PCDHGA2: variants seen among roughly 807,000 people sequenced by gnomAD.
PCDHGA2 encodes protocadherin gamma-A2.
PCDHGA2 carries 40 observed loss-of-function variants against 59.2 expected under a neutral mutation model. That is an observed-to-expected ratio of 0.68 (90% CI 0.52 to 0.88). PCDHGA2 has a LOEUF of 0.88. Ranked by LOEUF, PCDHGA2 falls within the 40% of genes least tolerant of loss-of-function variation. The pLI, the probability that PCDHGA2 is intolerant of heterozygous loss-of-function variation, is 0.00. For missense variants in PCDHGA2, 1,226 were observed against 1,204.0 expected (o/e 1.02, Z -0.27); for synonymous variants, 560 against 526.0 (o/e 1.06, Z -0.89).
chr5:141,356,021 A>G lies in PCDHGA2; in HGVS notation c.2424+14626A>G, dbSNP rs752812560. The G allele has an allele frequency of 3.1e-6, 5 of 1,613,992 alleles. No individual in the cohort carries two copies. Among genetic ancestry groups the G allele is most frequent in the Non-Finnish European group, 4.2e-6 (5 of 1,179,894 alleles). ...GCCACTGATCCAGATGAAGGAGCCA[A>G]TGGAGACGTGACGTATTCTTTCCGG... On this transcript the variant is annotated intron_variant, in intron 1 of 3. Transcript: ENST00000394576.
chr5:141,423,809 G>C, intron 1 of PCDHGA2: 1 of 1,260,030 alleles, frequency 7.9e-7, no homozygotes, highest in Non-Finnish European at 1.0e-6. Context: ...ATACATGTGA[G>C]TTTTACTTTG....
intron 1 of PCDHGA2, among the ~76,000 whole-genome samples, chr5:141,484,760 A>G (rs1472178052): frequency 2.0e-5 from 3 of 151,880 alleles, no homozygotes; most frequent in South Asian, 2.1e-4. Flanking sequence ...GTATATATAT[A>G]TATATGTTGT....
At position 141,485,971 on chromosome 5, in the gene PCDHGA2, C is replaced by T; in HGVS notation, c.2425-8836C>T. On this transcript the variant is annotated intron_variant, in intron 1 of 3. Transcript: ENST00000394576. This position sits in a 1 kb window ranked among gnomAD's most constrained non-coding sequence, Gnocchi z 5.7. Reference sequence around the variant, plus strand: ...GCATGGTGCTCATCCAGCTCAATGCCTCAGACCCGGACCTGGGTCCCAGTG... The same window carrying T: ...GCATGGTGCTCATCCAGCTCAATGCTTCAGACCCGGACCTGGGTCCCAGTG... The T allele has an allele frequency of 6.2e-7, 1 of 1,614,196 alleles. No individual in the cohort carries two copies. The highest frequency in any genetic ancestry group is 8.5e-7 in the Non-Finnish European group (1 of 1,180,042).
At position 141,340,708 on chromosome 5, in the gene PCDHGA2, C is replaced by T. The variant is rs200779662; in HGVS notation, c.1737C>T (p.Pro579=). The T allele has an allele frequency of 4.1e-4, 663 of 1,614,032 alleles. 6 individuals carry two copies. The highest frequency in any genetic ancestry group is 3.3e-3 in the South Asian group (304 of 91,076). ...GTTCCACTGGCGTGGAGCTGGCGCC[C>T]CGCTCCGCAGAGCCCGGCTACCTGG... ...TDGSTGVELA[P]RSAEPGYLVT... Residue 579 remains proline, a synonymous_variant, in exon 1 of 4, where the codon CCC becomes CCT. Coordinates refer to ENST00000394576, the MANE Select transcript of PCDHGA2 (RefSeq NM_018915.4).
chr5:141,405,927 A>G (rs138259154), intron 1 of PCDHGA2, among the ~76,000 whole-genome samples: 13 of 152,268 alleles, frequency 8.5e-5, no homozygotes, highest in African/African-American at 2.6e-4. Flanking sequence ...ATTTGCTGAT[A>G]TAACTTTCAT....
rs934366037 is a variant in PCDHGA2, at chr5:141,408,906, C to T, written c.2424+67511C>T. On this transcript the variant is annotated intron_variant, in intron 1 of 3. Transcript: ENST00000394576. Reference sequence around the variant, plus strand: ...CACATAGAAATTTCTGTCAAGGATACCAATGATAACCCCCCGGTTTTCAGC... The same window carrying T: ...CACATAGAAATTTCTGTCAAGGATATCAATGATAACCCCCCGGTTTTCAGC... 2.5e-6 allele frequency: 4 copies of T among 1,613,136 alleles called. No homozygotes were observed. The African/African-American group carries it at 4.0e-5, about 16-fold the overall frequency.
chr5:141,395,538 TTGTTTGTGTG>T, intron 1 of PCDHGA2: 1 of 225,786 alleles, frequency 4.4e-6, no homozygotes, highest in Non-Finnish European at 7.1e-6. Context: ...AATTTTGCTA[TTGTTTGTGTG>T]TGTGTGTGTG....
chr5:141,494,898 T>C, intron 2 of PCDHGA2, 33 bp downstream of exon 2: 1 of 1,614,074 alleles, frequency 6.2e-7, no homozygotes, highest in Non-Finnish European at 8.5e-7. Flanking sequence ...CACCCTCTTC[T>C]CTGCGGCATT....
chr5:141,361,122 C>A, intron 1 of PCDHGA2: 1 of 1,613,946 alleles, frequency 6.2e-7, no homozygotes, highest in Non-Finnish European at 8.5e-7. Context: ...ATCTAGCAGC[C>A]CACTGCAGTA....
At position 141,362,106 on chromosome 5, in the gene PCDHGA2, G is replaced by T. The variant is rs73265834; in HGVS notation, c.2424+20711G>T. On this transcript the variant is annotated intron_variant, in intron 1 of 3. Transcript: ENST00000394576. Reference sequence around the variant, plus strand: ...GAGGACAGCCGCCACTCTCCGCTACGGCCACGCTGCACCTAATCTTCGCGG... The same window carrying T: ...GAGGACAGCCGCCACTCTCCGCTACTGCCACGCTGCACCTAATCTTCGCGG... 1.3e-4 allele frequency: 207 copies of T among 1,612,660 alleles called. 2 individuals are homozygous for T. In the South Asian group the frequency reaches 2.2e-3, roughly 17 times the overall value.
intron 1 of PCDHGA2, chr5:141,356,146 G>A: frequency 6.2e-7 from 1 of 1,613,564 alleles, no homozygotes; most frequent in South Asian, 1.1e-5. Context: ...TGGATTCTAT[G>A]ACATAGATGT....
rs758907839 is a variant in PCDHGA2 at position 141,351,826 on chromosome 5, C to T, written c.2424+10431C>T. ...GCGCCTTCGACCACGAGCAGCTGCG[C>T]GCCTTCGAGCTCACACTGCAGGCCA... is the stretch of plus-strand genomic sequence containing the variant. On this transcript the variant is annotated intron_variant, in intron 1 of 3. Transcript: ENST00000394576. The T allele has an allele frequency of 6.8e-5, 109 of 1,613,084 alleles. No individual in the cohort carries two copies. In the South Asian group the frequency reaches 7.4e-4, roughly 11 times the overall value.
chr5:141,412,027 C>T (rs1360599996), intron 1 of PCDHGA2: 1 of 152,086 alleles, frequency 6.6e-6, no homozygotes, highest in Non-Finnish European at 1.5e-5. Context: ...ATCCTGTTCT[C>T]TGTGTGAAAG....
At chr5:141,404,720 A>C in intron 1 of PCDHGA2, 1 of 1,613,804 alleles carries the variant, frequency 6.2e-7, no homozygotes, top group Non-Finnish European at 8.5e-7. Flanking sequence ...CCTGGTGACC[A>C]AGGTGGTGGC....
At position 141,486,821 on chromosome 5, in the gene PCDHGA2, A is replaced by T. The variant is rs756652952; in HGVS notation, c.2425-7986A>T. On this transcript the variant is annotated intron_variant, in intron 1 of 3. Transcript: ENST00000394576. The surrounding 1 kb of genome is among the most constrained non-coding windows in gnomAD (Gnocchi z 5.0). ...CAACCCACCCCTTAGCAGCACTGTA[A>T]CAGTTCGTCTATTTGTGCTGGACCT... 36 of 1,614,116 alleles carry T rather than the reference A, an allele frequency of 2.2e-5. No individual in the cohort carries two copies. In the South Asian group the frequency reaches 3.4e-4, roughly 15 times the overall value.
intron 3 of PCDHGA2, among the ~76,000 whole-genome samples, chr5:141,506,363 C>T (rs1013247178): frequency 4.0e-5 from 6 of 150,792 alleles, no homozygotes; most frequent in South Asian, 4.2e-4. Context: ...GCAGGAGAAT[C>T]GCTTGAACCT....
In PCDHGA2 at chr5:141,491,169, G is replaced by A. The variant is rs374498014; in HGVS notation, c.2425-3638G>A. The A allele has an allele frequency of 1.2e-6, 2 of 1,614,192 alleles. No homozygotes were observed. Among genetic ancestry groups the A allele is most frequent in the African/African-American group, 1.3e-5 (1 of 75,058 alleles). On this transcript the variant is annotated intron_variant, in intron 1 of 3. Transcript: ENST00000394576. The surrounding 1 kb of genome is among the most constrained non-coding windows in gnomAD (Gnocchi z 6.9). ...TGGAGGATGACTCTGACACCCAGCA[G>A]GTGGTGGTCCTGGTGAGGGACAATG...
chr5:141,363,872 T>G (rs1338866734), intron 1 of PCDHGA2, among the ~76,000 whole-genome samples: 1 of 152,152 alleles, frequency 6.6e-6, no homozygotes, highest in African/African-American at 2.4e-5. Flanking sequence ...AAGAGGTAAA[T>G]AAAGGACATA....
At position 141,511,036 on chromosome 5, in the gene PCDHGA2, G is replaced by A. The variant is rs116366286; in HGVS notation, c.2662G>A (p.Val888Met). ...CGGACCCCAGTTCACCCTGCAGCAC[G>A]TGCCCGACTACCGCCAGAATGTCTA... is the stretch of plus-strand genomic sequence containing the variant. ...RYGPQFTLQH[V>M]PDYRQNVYIP... is the part of the protein sequence containing the mutation. Residue 888 changes from valine to methionine, a missense_variant, in exon 4 of 4, where the codon GTG becomes ATG. Physicochemically the swap from Val to Met is conservative, Grantham distance 21. Transcript: ENST00000394576. 5.5e-5 allele frequency: 89 copies of A among 1,614,198 alleles called. No individual in the cohort carries two copies. The highest frequency in any genetic ancestry group is 1.6e-4 in the Middle Eastern group (1 of 6,062).
Sources: allele counts gnomAD v4.1 joint callset (sites outside exome capture counted in the v4.1 genomes callset), GRCh38; gene constraint gnomAD v4.1.1; non-coding constraint Gnocchi (gnomAD v3.1); transcripts MANE v1.5; gene names NCBI Gene and HGNC (gene_info 2026-07-23, HGNC 2026-07-21).